FMR1NB: variants seen among roughly 807,000 people sequenced by gnomAD.
FMR1NB encodes the protein FMR1 neighbor protein.
Under a neutral mutation model 16.8 loss-of-function variants are expected in FMR1NB, and 10 were observed. The observed-to-expected ratio is 0.60, with a 90% CI of 0.37 to 1.01. The LOEUF is 1.01. Among genes scored for constraint, FMR1NB ranks in the 50% least tolerant of loss-of-function variants. The probability of loss-of-function intolerance (pLI) is 0.01; values close to 1 mark genes in which losing one functional copy is unlikely to be tolerated. For missense variants in FMR1NB, 205 were observed against 204.8 expected (o/e 1.00, Z 0.00); for synonymous variants, 83 against 79.1 (o/e 1.05, Z -0.26).
intron 4 of FMR1NB, among the ~76,000 whole-genome samples, chrX:148,019,764 C>G (rs1162251207): frequency 3.6e-5 from 4 of 112,009 alleles, no homozygotes; most frequent in African/African-American, 1.3e-4. Flanking sequence ...AATGGAGTCT[C>G]TCTCTCTGGA....
At chrX:148,003,166 A>G (rs201603334) in intron 1 of FMR1NB, 35 bp from the exon 2 acceptor site, 3 of 1,188,986 alleles carry the variant, frequency 2.5e-6, no homozygotes, top group Non-Finnish European at 2.3e-6. Flanking sequence ...TAAATGCTTT[A>G]TATGTTGGGA....
At chrX:148,004,890 A>T (rs1215617494) in intron 2 of FMR1NB, among the ~76,000 whole-genome samples, 1 of 111,922 alleles carries the variant, frequency 8.9e-6, no homozygotes, top group African/African-American at 3.2e-5. Context: ...CTTGAAAGTT[A>T]ATTTGTTTTT....
At chrX:148,020,843 G>A (rs781996474) in intron 4 of FMR1NB, among the ~76,000 whole-genome samples, 1 of 111,981 alleles carries the variant, frequency 8.9e-6, no homozygotes, top group Non-Finnish European at 1.9e-5. Flanking sequence ...TATGAGTTTT[G>A]CAGCCTGGAG....
At position 147,981,381 on chromosome X, in the gene FMR1NB, C is replaced by G. The variant is rs782209231; in HGVS notation, c.-22C>G. 1 of 1,199,164 alleles carries G rather than the reference C, an allele frequency of 8.3e-7. No homozygotes were observed. Among genetic ancestry groups the G allele is most frequent in the Non-Finnish European group, 1.1e-6 (1 of 888,046 alleles). The stretch of plus-strand genomic sequence containing the variant: ...ACCGTTGGGCTGTGAGGCAGCGTCT[C>G]AGCGAGGCGGCACCCGGAGCCATGT... On this transcript the variant is annotated 5_prime_UTR_variant, in exon 1 of 6. Coordinates refer to ENST00000370467, the MANE Select transcript of FMR1NB (RefSeq NM_152578.3).
chrX:148,023,000 A>G (rs1312119333), intron 4 of FMR1NB, among the ~76,000 whole-genome samples: 1 of 111,980 alleles, frequency 8.9e-6, no homozygotes, highest in African/African-American at 3.2e-5. Flanking sequence ...ATTTTGCGAC[A>G]AACCTGGACT....
intron 4 of FMR1NB, among the ~76,000 whole-genome samples, chrX:148,013,035 T>C (rs1000343446): frequency 8.9e-6 from 1 of 111,745 alleles, no homozygotes; most frequent in African/African-American, 3.3e-5. Flanking sequence ...TGATAAAATA[T>C]GTCAGATGAG....
intron 4 of FMR1NB, among the ~76,000 whole-genome samples, chrX:148,017,156 C>T (rs1378180888): frequency 3.6e-5 from 4 of 110,633 alleles, no homozygotes; most frequent in Non-Finnish European, 7.6e-5. Context: ...AGTAGTATGT[C>T]GTATTTTTCC....
intron 1 of FMR1NB, among the ~76,000 whole-genome samples, chrX:147,986,403 G>T (rs1247663096): frequency 2.7e-5 from 3 of 112,097 alleles, no homozygotes; most frequent in African/African-American, 9.7e-5. Context: ...CCATGCCTCT[G>T]TCCTGAATGG....
intron 1 of FMR1NB, among the ~76,000 whole-genome samples, chrX:147,999,875 G>A (rs1316913561): frequency 6.3e-5 from 7 of 111,927 alleles, no homozygotes; most frequent in Admixed American, 2.9e-4. Context: ...TGTCATGATT[G>A]AATATGCACT....
chrX:148,021,640 G>A (rs1463549054), intron 4 of FMR1NB, among the ~76,000 whole-genome samples: 3 of 110,611 alleles, frequency 2.7e-5, no homozygotes, highest in East Asian at 2.8e-4. Context: ...TACTCAATCC[G>A]GAGGAATTGC....
At chrX:148,006,968 C>A in intron 3 of FMR1NB, 126 bp downstream of exon 3, 2 of 757,880 alleles carry the variant, frequency 2.6e-6, no homozygotes, top group Non-Finnish European at 1.9e-6. Flanking sequence ...TAGAGCGGTG[C>A]TCCTTAGAAG....
chrX:148,005,590 T>C (rs1557189028), intron 2 of FMR1NB, among the ~76,000 whole-genome samples: 1 of 112,057 alleles, frequency 8.9e-6, no homozygotes, highest in Non-Finnish European at 1.9e-5. Context: ...CAGTTGGTAG[T>C]GCATTAAATT....
intron 1 of FMR1NB, among the ~76,000 whole-genome samples, chrX:148,001,549 A>G (rs2044570436): frequency 1.8e-5 from 2 of 110,777 alleles, no homozygotes; most frequent in African/African-American, 3.3e-5. Flanking sequence ...GTGGATCACG[A>G]TACCAGCCTG....
chrX:148,006,164 T>G (rs1045413119), intron 2 of FMR1NB, among the ~76,000 whole-genome samples: 1 of 112,003 alleles, frequency 8.9e-6, no homozygotes, highest in Non-Finnish European at 1.9e-5. Flanking sequence ...TTTAAAATTA[T>G]AGAGTCATAA....
intron 4 of FMR1NB, among the ~76,000 whole-genome samples, chrX:148,009,575 A>G (rs2044613756): frequency 9.3e-6 from 1 of 108,046 alleles, no homozygotes; most frequent in African/African-American, 3.4e-5. Flanking sequence ...GGTACAGAGC[A>G]CAGTCAGGAC....
At chrX:148,009,403 C>A (rs1257440526) in intron 4 of FMR1NB, among the ~76,000 whole-genome samples, 1 of 110,678 alleles carries the variant, frequency 9.0e-6, no homozygotes, top group African/African-American at 3.3e-5. Context: ...TAATGATCAT[C>A]TACTATTGGG....
intron 1 of FMR1NB, among the ~76,000 whole-genome samples, chrX:147,986,347 G>T (rs1047171020): frequency 8.9e-6 from 1 of 111,939 alleles, no homozygotes; most frequent in Admixed American, 9.5e-5. Flanking sequence ...GTCAATTTTG[G>T]CTTTTGTTGC....
chrX:147,990,077 C>A (rs2044496882), intron 1 of FMR1NB, among the ~76,000 whole-genome samples: 1 of 110,244 alleles, frequency 9.1e-6, no homozygotes, highest in African/African-American at 3.3e-5. Flanking sequence ...GCAGCTAGCT[C>A]CGTGTCTGTC....
intron 4 of FMR1NB, among the ~76,000 whole-genome samples, chrX:148,013,729 A>G (rs1415637106): frequency 9.0e-6 from 1 of 111,361 alleles, no homozygotes; most frequent in Non-Finnish European, 1.9e-5. Flanking sequence ...CCTGTTCCAT[A>G]TTTCCAGTCA....
Sources: gnomAD v4.1 joint callset for allele counts (sites outside exome capture counted in the v4.1 genomes callset) on GRCh38, gnomAD v4.1.1 for gene constraint, MANE v1.5 for transcripts, NCBI Gene and HGNC (gene_info 2026-07-23, HGNC 2026-07-21) for gene names.